Variants in TLK2 observed in about 807,000 individuals in gnomAD.
The protein encoded by TLK2 is serine/threonine-protein kinase tousled-like 2.
In TLK2, 6 loss-of-function variants were observed where a neutral mutation model predicts 117.3. The observed-to-expected ratio is 0.05, with a 90% CI of 0.03 to 0.10. TLK2 has a LOEUF of 0.10. Among genes scored for constraint, TLK2 ranks in the 10% least tolerant of loss-of-function variants. The pLI is 1.00. For synonymous variants in TLK2, 257 were observed against 316.7 expected (o/e 0.81, Z 2.00); for missense variants, 299 against 901.2 (o/e 0.33, Z 8.56).
At chr17:62,537,503 C>T (rs551981248) in intron 7 of TLK2, among the ~76,000 whole-genome samples, 1 of 152,254 alleles carries the variant, frequency 6.6e-6, no homozygotes, top group South Asian at 2.1e-4. Flanking sequence ...CTCTGGTTTC[C>T]TCCTGTATCC....
chr17:62,605,905 G>T (rs2083257294), intron 19 of TLK2, among the ~76,000 whole-genome samples: 1 of 149,884 alleles, frequency 6.7e-6, no homozygotes, highest in Admixed American at 6.6e-5. Flanking sequence ...TACTTGGGAG[G>T]CTGAGGTGGG....
chr17:62,496,379 A>G (rs1233428548), intron 2 of TLK2, among the ~76,000 whole-genome samples: 1 of 152,180 alleles, frequency 6.6e-6, no homozygotes, highest in African/African-American at 2.4e-5. Flanking sequence ...ATAATCTTGT[A>G]CATAATGTCA....
chr17:62,514,141 A>C (rs1051931759), intron 2 of TLK2, among the ~76,000 whole-genome samples: 3 of 151,574 alleles, frequency 2.0e-5, no homozygotes, highest in African/African-American at 7.3e-5. Context: ...ACAGCAAATA[A>C]ATAATAATTT....
At chr17:62,546,812 G>A (rs1406025951) in intron 7 of TLK2, among the ~76,000 whole-genome samples, 4 of 151,798 alleles carry the variant, frequency 2.6e-5, no homozygotes, top group Non-Finnish European at 5.9e-5. Flanking sequence ...CACCTGTCTC[G>A]GCCTCCCAAA....
chr17:62,574,501 A>C, intron 12 of TLK2: 1 of 717,880 alleles, frequency 1.4e-6, no homozygotes, highest in Non-Finnish European at 2.3e-6. Context: ...TCATTCATAT[A>C]ACTCCAAATT....
Position 62,481,157 on chromosome 17 carries a change from G to A in TLK2, c.32G>A (p.Arg11Gln). The A allele has an allele frequency of 6.2e-7, 1 of 1,613,814 alleles. No homozygotes were observed. Reference protein sequence around the residue: MMEELHSLDPRRQELLEARFT... With the variant: MMEELHSLDPQRQELLEARFT... ...GAAGAATTGCATAGCCTGGACCCACGACGGCAGGAATTATTGGAGGCCAGG... is the reference window on the plus strand; with the variant it reads ...GAAGAATTGCATAGCCTGGACCCACAACGGCAGGAATTATTGGAGGCCAGG... Residue 11 changes from arginine (R) to glutamine (Q), a missense_variant, in exon 2 of 22, where the codon CGA becomes CAA. Physicochemically the swap from Arg to Gln is conservative, Grantham distance 43. Around this residue, in one of 4 missense-constraint regions of TLK2, gnomAD observed 105 missense variants for 218.4 expected, o/e 0.48. Coordinates refer to ENST00000346027, the MANE Select transcript of TLK2 (RefSeq NM_006852.6).
At chr17:62,598,370 C>T (rs910376653) in intron 17 of TLK2, among the ~76,000 whole-genome samples, 2 of 152,172 alleles carry the variant, frequency 1.3e-5, no homozygotes, top group Non-Finnish European at 2.9e-5. Flanking sequence ...TGGTTCTATA[C>T]TATTCTTGAG....
chr17:62,522,561 A>T (rs566737940), intron 4 of TLK2, among the ~76,000 whole-genome samples: 2 of 152,200 alleles, frequency 1.3e-5, no homozygotes, highest in African/African-American at 4.8e-5. Context: ...AAAAGAGGTT[A>T]TGTCAGAGTT....
chr17:62,478,602 C>G (rs1033442488), upstream of TLK2, among the ~76,000 whole-genome samples: 6 of 150,612 alleles, frequency 4.0e-5, no homozygotes, highest in Non-Finnish European at 7.4e-5. Flanking sequence ...CGGCTTCCTC[C>G]GCCGGCGCGG....
chr17:62,541,082 C>T (rs1322057295), intron 7 of TLK2, among the ~76,000 whole-genome samples: 1 of 152,180 alleles, frequency 6.6e-6, no homozygotes. Flanking sequence ...TCATGCCCTG[C>T]TCTCTCAGTT....
At chr17:62,498,618 T>A (rs902585676) in intron 2 of TLK2, among the ~76,000 whole-genome samples, 4 of 152,178 alleles carry the variant, frequency 2.6e-5, no homozygotes, top group African/African-American at 9.6e-5. Flanking sequence ...CTCGAACTCC[T>A]GACCTCAGGT....
chr17:62,564,145 G>A (rs937185035), intron 10 of TLK2, among the ~76,000 whole-genome samples: 8 of 152,194 alleles, frequency 5.3e-5, no homozygotes, highest in African/African-American at 1.7e-4. Flanking sequence ...GCTTAGGCCT[G>A]TAATCTCAGC....
intron 2 of TLK2, among the ~76,000 whole-genome samples, chr17:62,498,865 A>ATTTG (rs199691239): frequency 2.0e-5 from 3 of 151,296 alleles, no homozygotes; most frequent in Admixed American, 1.3e-4. Flanking sequence ...TCTTTGGTTT[A>ATTTG]TTTGTTTGTT....
intron 2 of TLK2, among the ~76,000 whole-genome samples, chr17:62,510,872 C>T (rs1222957247): frequency 6.6e-6 from 1 of 152,248 alleles, no homozygotes; most frequent in South Asian, 2.1e-4. Flanking sequence ...CCCTGATATA[C>T]CTGGCCCTAG....
chr17:62,471,844 A>G (rs2070945095), intron 1 of TLK2, among the ~76,000 whole-genome samples: 1 of 132,872 alleles, frequency 7.5e-6, no homozygotes, highest in African/African-American at 2.8e-5. Flanking sequence ...GGTTTTGTCT[A>G]TTAACGTGGA....
At chr17:62,476,707 C>A (rs1375667268), upstream of TLK2, among the ~76,000 whole-genome samples, 2 of 152,158 alleles carry the variant, frequency 1.3e-5, no homozygotes, top group Non-Finnish European at 2.9e-5. Context: ...GTGGAAAGAG[C>A]TAGGCTGCAA....
intron 6 of TLK2, among the ~76,000 whole-genome samples, chr17:62,527,065 C>T (rs2076411597): frequency 6.6e-6 from 1 of 152,194 alleles, no homozygotes; most frequent in Non-Finnish European, 1.5e-5. Flanking sequence ...GCCACACTGG[C>T]CTCCTTGAGC....
Position 62,545,873 on chromosome 17 carries a change from TTTTG to T in TLK2, c.532-6406_532-6403del, listed in dbSNP as rs71155937. On this transcript the variant is annotated intron_variant, in intron 7 of 21. Coordinates refer to ENST00000346027, the MANE Select transcript of TLK2 (RefSeq NM_006852.6). ...TGTGTGCCACCACGCCCGGCTGATT[TTTTG>T]TTTGTTTGTTTGTTTGTTTGTTGAG... Among the ~76,000 whole-genome samples the T allele has an allele frequency of 7.0e-3, 1,056 of 150,428 alleles. 3 individuals carry two copies. Among genetic ancestry groups the T allele is most frequent in the Non-Finnish European group, 0.011 (727 of 67,596 alleles).
At chr17:62,561,098 G>A (rs1178905535) in intron 10 of TLK2, among the ~76,000 whole-genome samples, 2 of 151,988 alleles carry the variant, frequency 1.3e-5, no homozygotes, top group Admixed American at 6.6e-5. Flanking sequence ...TTGTCCTTGC[G>A]ATAGTTTGCT....
Sources: gnomAD v4.1 joint callset for allele counts (sites outside exome capture counted in the v4.1 genomes callset) on GRCh38, gnomAD v4.1.1 for gene constraint, gnomAD v4.1.1 regional missense constraint, MANE v1.5 for transcripts, NCBI Gene and HGNC (gene_info 2026-07-23, HGNC 2026-07-21) for gene names.